CD109: variants seen among roughly 807,000 people sequenced by gnomAD.
CD109 encodes the protein CD109 antigen.
A neutral mutation model predicts 165.8 loss-of-function variants in CD109; 149 were observed. The observed-to-expected ratio is 0.90, with a 90% confidence interval of 0.79 to 1.03. CD109 has a LOEUF of 1.03. CD109 is among the 50% of genes least tolerant of loss of function. The pLI is 0.00. For missense variants in CD109, 1,712 were observed against 1,677.8 expected, an observed-to-expected ratio of 1.02 and a Z score of -0.36; for synonymous variants, 585 against 592.1, an observed-to-expected ratio of 0.99 and a Z score of 0.18.
intron 15 of CD109, among the ~76,000 whole-genome samples, chr6:73,775,322 G>A (rs1774202061): frequency 6.6e-6 from 1 of 151,930 alleles, no homozygotes. Context: ...ACATTTTTGT[G>A]ACAAAAGCAG....
At chr6:73,753,109 A>T (rs956259953) in intron 5 of CD109, among the ~76,000 whole-genome samples, 15 of 152,188 alleles carry the variant, frequency 9.9e-5, no homozygotes, top group Non-Finnish European at 1.6e-4. Flanking sequence ...TTTTGTGAAT[A>T]AAGATTTATT....
At chr6:73,793,249 G>A (rs976088557) in intron 23 of CD109, among the ~76,000 whole-genome samples, 5 of 152,176 alleles carry the variant, frequency 3.3e-5, no homozygotes, top group Admixed American at 1.3e-4. Flanking sequence ...GTAAACAGAC[G>A]CAGTGCCGTG....
At chr6:73,783,544 T>A (rs1774580974) in intron 18 of CD109, among the ~76,000 whole-genome samples, 163 bp from the exon 19 acceptor site, 1 of 152,242 alleles carries the variant, frequency 6.6e-6, no homozygotes. Flanking sequence ...AAAGTTGGGA[T>A]TTACTGTTTT....
At chr6:73,726,447 A>AT (rs1772146796) in intron 3 of CD109, among the ~76,000 whole-genome samples, 1 of 152,174 alleles carries the variant, frequency 6.6e-6, no homozygotes, top group African/African-American at 2.4e-5. Context: ...TTACTAATAT[A>AT]TTTTTAATGG....
intron 4 of CD109, 144 bp from the exon 5 acceptor site, chr6:73,736,239 T>TGCCATCCA (rs1264965926): frequency 1.3e-6 from 1 of 756,338 alleles, no homozygotes; most frequent in Non-Finnish European, 2.1e-6. Context: ...CCTCACATCC[T>TGCCATCCA]GCCATCCAGC....
the CD109 span, among the ~76,000 whole-genome samples, chr6:73,681,524 G>T: frequency 6.6e-6 from 1 of 152,006 alleles, no homozygotes; most frequent in Non-Finnish European, 1.5e-5. Flanking sequence ...TCACAATCAC[G>T]GTGGAAGGCA....
At chr6:73,814,950 C>A in intron 29 of CD109, 31 bp from the exon 30 acceptor site, 2 of 1,444,402 alleles carry the variant, frequency 1.4e-6, no homozygotes, top group Non-Finnish European at 1.8e-6. Context: ...TTATGTCCAA[C>A]TTGTTATTTA....
chr6:73,788,712 G>A (rs200720103), intron 22 of CD109, 100 bp downstream of exon 22: 4 of 465,102 alleles, frequency 8.6e-6, no homozygotes, highest in Non-Finnish European at 1.2e-5. Flanking sequence ...GTCCTAATAA[G>A]AAGAGATGGC....
At chr6:73,791,467 A>T (rs1470284897) in intron 22 of CD109, among the ~76,000 whole-genome samples, 2 of 151,018 alleles carry the variant, frequency 1.3e-5, no homozygotes, top group Admixed American at 1.3e-4. Context: ...ACATACATAC[A>T]CACACACACA....
intron 1 of CD109, 96 bp downstream of exon 1, chr6:73,696,385 C>T: frequency 9.3e-7 from 1 of 1,071,378 alleles, no homozygotes; most frequent in Non-Finnish European, 1.2e-6. Context: ...GGCTGCTGTG[C>T]AGCAGCGGGT....
chr6:73,805,960 C>T (rs1303002530), intron 24 of CD109, among the ~76,000 whole-genome samples: 2 of 152,034 alleles, frequency 1.3e-5, no homozygotes, highest in Non-Finnish European at 2.9e-5. Flanking sequence ...ACAGACACAG[C>T]AACAATCTGA....
intron 3 of CD109, among the ~76,000 whole-genome samples, chr6:73,727,454 C>T (rs1278926384): frequency 3.9e-5 from 6 of 152,030 alleles, no homozygotes; most frequent in African/African-American, 1.4e-4. Flanking sequence ...GGGTTTTTAA[C>T]GGGGAAAAGT....
At chr6:73,750,629 A>G (rs1281034300) in intron 5 of CD109, among the ~76,000 whole-genome samples, 2 of 152,202 alleles carry the variant, frequency 1.3e-5, no homozygotes, top group African/African-American at 4.8e-5. Flanking sequence ...AGGGTAATGT[A>G]TATAATAGTC....
chr6:73,785,194 T>C (rs190634496), intron 19 of CD109, among the ~76,000 whole-genome samples, 170 bp from the exon 20 acceptor site: 4 of 152,352 alleles, frequency 2.6e-5, no homozygotes, highest in African/African-American at 9.6e-5. Context: ...TCAAGTCAAT[T>C]TGCCGTCATT....
At chr6:73,687,063 C>T in the CD109 span, among the ~76,000 whole-genome samples, 1 of 152,202 alleles carries the variant, frequency 6.6e-6, no homozygotes, top group Non-Finnish European at 1.5e-5. Flanking sequence ...AGAACATTTC[C>T]ATCATCACAG....
chr6:73,737,476 GTA>G lies in CD109; in HGVS notation c.633+970_633+971del, dbSNP rs761788502. On this transcript the variant is annotated intron_variant, in intron 5 of 32. Coordinates refer to ENST00000287097, the MANE Select transcript of CD109 (RefSeq NM_133493.5). Reference sequence around the variant, plus strand: ...GTAGCAGAAGCTCTACCGAATGAATGTATGATGTGGTTTTAAAGAACATTTGA... The same window carrying G: ...GTAGCAGAAGCTCTACCGAATGAATGTGATGTGGTTTTAAAGAACATTTGA... 7.3e-3 allele frequency among the ~76,000 whole-genome samples: 1,108 copies of G among 152,224 alleles called. 4 individuals carry two copies. The highest frequency in any genetic ancestry group is 0.011 in the Non-Finnish European group (770 of 68,008).
chr6:73,812,229 G>A lies in CD109; in HGVS notation c.3727G>A (p.Val1243Ile), dbSNP rs1303544577. The change falls in exon 29 of 33, where the codon GTT (valine) becomes ATT (isoleucine). Residue 1243 changes from valine (V) to isoleucine (I), a missense_variant. Coordinates refer to ENST00000287097, the MANE Select transcript of CD109 (RefSeq NM_133493.5). ...GCTTGCTGTGGTACAGCCAACGGCA[G>A]TTAATATTTCCGCAAATGGTTTTGG... ...AELAVVQPTAVNISANGFGFA... is the reference protein window; with the variant it reads ...AELAVVQPTAINISANGFGFA... The A allele has an allele frequency of 6.2e-7, 1 of 1,609,950 alleles. No homozygotes were observed.
At position 73,810,132 on chromosome 6, in the gene CD109, A is replaced by G; in HGVS notation, c.3504A>G (p.Leu1168=). Residue 1168 remains leucine (L), a synonymous_variant, in exon 27 of 33, where the codon CTA becomes CTG. Coordinates refer to ENST00000287097, the MANE Select transcript of CD109 (RefSeq NM_133493.5). ...TSEGIPIMRW[L]SRQRNSLGGF... ...AGGGAATCCCAATTATGAGGTGGCT[A>G]AGCAGGCAAAGAAATAGCTTGGGTG... 1 of 1,606,324 alleles carries G rather than the reference A, an allele frequency of 6.2e-7. No homozygotes were observed. Among genetic ancestry groups the G allele is most frequent in the Non-Finnish European group, 8.5e-7 (1 of 1,177,754 alleles).
intron 24 of CD109, chr6:73,803,971 G>T (rs534294698): frequency 6.6e-6 from 1 of 152,418 alleles, no homozygotes; most frequent in African/African-American, 2.4e-5. Flanking sequence ...GTCAGCAGGG[G>T]GCTCTGCAGC....
Sources: allele counts gnomAD v4.1 joint callset (sites outside exome capture counted in the v4.1 genomes callset), GRCh38; gene constraint gnomAD v4.1.1; transcripts MANE v1.5; gene names NCBI Gene and HGNC (gene_info 2026-07-23, HGNC 2026-07-21).